The following LEKR1 variants were observed in gnomAD, a reference collection of about 807,000 sequenced individuals.
LEKR1 encodes leucine, glutamate and lysine rich 1.
LEKR1 carries 59 observed loss-of-function variants against 72.4 expected under a neutral mutation model. The ratio of observed to expected loss-of-function variants is 0.82; its 90% CI spans 0.66 to 1.01. The LOEUF (loss-of-function observed/expected upper bound fraction) is 1.01, where lower values mean the gene tolerates loss of function less well. Ranked by LOEUF, LEKR1 falls within the 50% of genes least tolerant of loss-of-function variation. The pLI, the probability that LEKR1 is intolerant of heterozygous loss-of-function variation, is 0.00. For missense variants in LEKR1, 728 were observed against 759.2 expected, an observed-to-expected ratio of 0.96 and a Z score of 0.48; for synonymous variants, 257 against 263.2, an observed-to-expected ratio of 0.98 and a Z score of 0.23.
At chr3:157,009,726 A>T (rs1437486661) in intron 9 of LEKR1, among the ~76,000 whole-genome samples, 1 of 152,080 alleles carries the variant, frequency 6.6e-6, no homozygotes, top group South Asian at 2.1e-4. Flanking sequence ...TGATTTGTCT[A>T]TAACTGAGAA....
intron 5 of LEKR1, among the ~76,000 whole-genome samples, chr3:156,929,069 G>A (rs1004615128): frequency 2.3e-4 from 35 of 149,834 alleles, no homozygotes; most frequent in African/African-American, 8.3e-4. Flanking sequence ...TACTAGTAAT[G>A]AATAAAAAGA....
intron 3 of LEKR1, among the ~76,000 whole-genome samples, chr3:156,897,965 A>G (rs952936246): frequency 2.4e-4 from 37 of 152,096 alleles, no homozygotes; most frequent in African/African-American, 6.3e-4. Flanking sequence ...AAAAAAAAAA[A>G]AAAAGAAATT....
intron 5 of LEKR1, among the ~76,000 whole-genome samples, chr3:156,941,102 T>C (rs1474712783): frequency 2.0e-5 from 3 of 151,628 alleles, no homozygotes; most frequent in African/African-American, 7.3e-5. Context: ...AATTGGGGCA[T>C]AGTCATAAGT....
chr3:156,959,923 C>T (rs985548526), intron 6 of LEKR1, among the ~76,000 whole-genome samples: 1 of 152,110 alleles, frequency 6.6e-6, no homozygotes, highest in Non-Finnish European at 1.5e-5. Context: ...ATGTAAATAT[C>T]TCTCTGCTGT....
intron 3 of LEKR1, among the ~76,000 whole-genome samples, chr3:156,862,259 C>A (rs1411062010): frequency 6.6e-6 from 1 of 151,996 alleles, no homozygotes; most frequent in East Asian, 1.9e-4. Flanking sequence ...CAGTTTCAGG[C>A]CCAGCCACTT....
intron 3 of LEKR1, among the ~76,000 whole-genome samples, chr3:156,884,063 C>T (rs911667891): frequency 6.6e-6 from 1 of 152,096 alleles, no homozygotes; most frequent in African/African-American, 2.4e-5. Flanking sequence ...GCTTTAACAT[C>T]AGTTTTGTCT....
intron 3 of LEKR1, among the ~76,000 whole-genome samples, chr3:156,913,457 C>T (rs934683239): frequency 6.6e-6 from 1 of 152,042 alleles, no homozygotes. Context: ...AGAAATGCTA[C>T]TGATTTTTAA....
intron 6 of LEKR1, among the ~76,000 whole-genome samples, chr3:156,954,397 ATTGCTT>A (rs1727435602): frequency 6.6e-6 from 1 of 151,888 alleles, no homozygotes; most frequent in African/African-American, 2.4e-5. Context: ...TTTTGTTGCT[ATTGCTT>A]TTAACATTTT....
chr3:156,877,796 A>G (rs555036222), intron 3 of LEKR1, among the ~76,000 whole-genome samples: 1 of 151,454 alleles, frequency 6.6e-6, no homozygotes, highest in African/African-American at 2.4e-5. Flanking sequence ...TTATTTATTT[A>G]TTTTGAGACA....
At chr3:156,860,155 A>G (rs944647645) in intron 3 of LEKR1, among the ~76,000 whole-genome samples, 2 of 150,866 alleles carry the variant, frequency 1.3e-5, no homozygotes, top group African/African-American at 4.9e-5. Flanking sequence ...CAATGGGACT[A>G]CTCCATCTTG....
At chr3:156,897,192 G>A (rs1721283368) in intron 3 of LEKR1, among the ~76,000 whole-genome samples, 1 of 152,148 alleles carries the variant, frequency 6.6e-6, no homozygotes, top group Non-Finnish European at 1.5e-5. Flanking sequence ...TAACTTAAAA[G>A]TTGGAAAGAA....
At chr3:156,969,194 C>A (rs1414446439) in intron 6 of LEKR1, among the ~76,000 whole-genome samples, 3 of 151,988 alleles carry the variant, frequency 2.0e-5, no homozygotes, top group African/African-American at 7.3e-5. Flanking sequence ...AAAATTGACA[C>A]CCTAACATCA....
At chr3:156,933,589 A>G (rs749864910) in intron 5 of LEKR1, among the ~76,000 whole-genome samples, 3 of 152,206 alleles carry the variant, frequency 2.0e-5, no homozygotes, top group Admixed American at 2.0e-4. Flanking sequence ...CACATCTTAT[A>G]GAATATTTAC....
chr3:156,875,924 G>C (rs528743756), intron 3 of LEKR1, among the ~76,000 whole-genome samples: 1 of 150,706 alleles, frequency 6.6e-6, no homozygotes, highest in African/African-American at 2.4e-5. Flanking sequence ...GAACCCGGGG[G>C]GCAGAGCCTG....
chr3:157,032,312 G>C (rs1028141350), intron 12 of LEKR1, among the ~76,000 whole-genome samples: 2 of 152,152 alleles, frequency 1.3e-5, no homozygotes, highest in East Asian at 3.8e-4. Context: ...AATCAGTACA[G>C]ATAGTTCAAT....
Position 156,949,318 on chromosome 3 carries a change from C to T in LEKR1, c.745+6604C>T, listed in dbSNP as rs528708352. ...GGGTTTTACATTCAAGTCTTTAATA[C>T]ATCTTGAGTTGATTTCTATATATGG... is the stretch of plus-strand genomic sequence containing the variant. On this transcript the variant is annotated intron_variant, in intron 6 of 12. Coordinates refer to ENST00000356539, the MANE Select transcript of LEKR1 (RefSeq NM_001004316.3). Among the ~76,000 whole-genome samples, 4 of 151,742 alleles carry T rather than the reference C, an allele frequency of 2.6e-5. No homozygotes were observed. The South Asian group carries it at 6.2e-4, about 24-fold the overall frequency.
intron 3 of LEKR1, among the ~76,000 whole-genome samples, chr3:156,870,071 T>C (rs1177322462): frequency 1.3e-5 from 2 of 152,140 alleles, no homozygotes; most frequent in Non-Finnish European, 2.9e-5. Flanking sequence ...TATGTGTCTG[T>C]TTTTATGCCA....
At chr3:156,955,810 T>TTTGTTG (rs75693810) in intron 6 of LEKR1, among the ~76,000 whole-genome samples, 36 of 151,810 alleles carry the variant, frequency 2.4e-4, no homozygotes, top group Non-Finnish European at 2.4e-4. Flanking sequence ...AAGTTTTCTT[T>TTTGTTG]TTGTTGTTGT....
intron 6 of LEKR1, among the ~76,000 whole-genome samples, chr3:156,966,528 T>A (rs1226817852): frequency 6.6e-6 from 1 of 152,168 alleles, no homozygotes; most frequent in Non-Finnish European, 1.5e-5. Context: ...GCCTCGCTCA[T>A]TGCTAGCACA....
Sources: gnomAD v4.1 joint callset for allele counts (sites outside exome capture counted in the v4.1 genomes callset) on GRCh38, gnomAD v4.1.1 for gene constraint, MANE v1.5 for transcripts, NCBI Gene and HGNC (gene_info 2026-07-23, HGNC 2026-07-21) for gene names.